The following EPHA5 variants were observed in gnomAD, a reference collection of about 807,000 sequenced individuals.
EPHA5 encodes the protein EPH receptor A5, also known as ephrin type-A receptor 5.
EPHA5 carries 60 observed loss-of-function variants against 105.0 expected under a neutral mutation model. That is an observed-to-expected ratio of 0.57 (90% CI 0.46 to 0.71). The LOEUF (loss-of-function observed/expected upper bound fraction) is 0.71, where lower values mean the gene tolerates loss of function less well. Among genes scored for constraint, EPHA5 ranks in the 30% least tolerant of loss-of-function variants. EPHA5 has a pLI of 0.00. For synonymous variants in EPHA5, 513 were observed against 449.1 expected (o/e 1.14, Z -1.80); for missense variants, 1,218 against 1,274.7 (o/e 0.96, Z 0.68).
chr4:65,669,897 G>A lies in EPHA5; in HGVS notation c.-155C>T, dbSNP rs922136840. On this transcript the variant is annotated 5_prime_UTR_variant, in exon 1 of 17. Transcript: ENST00000613740. ...GGCTCCTCCAAATGTAGGAACCACG[G>A]ATCCGGCTGAGACAGCTGAAGTTTG... The A allele has an allele frequency of 2.6e-6, 3 of 1,140,398 alleles. No homozygotes were observed. Among genetic ancestry groups the A allele is most frequent in the Non-Finnish European group, 3.3e-6 (3 of 905,330 alleles). The allele number at this position is 1,140,398 out of a possible 1,614,324, so 70.6% of individuals were successfully genotyped here.
Position 65,322,416 on chromosome 4 carries a change from C to T in EPHA5, c.*1698G>A. On this transcript the variant is annotated 3_prime_UTR_variant, in exon 17 of 17. Coordinates refer to ENST00000613740, the MANE Select transcript of EPHA5 (RefSeq NM_001281766.3). ...TTCTGATAAATTTCATTAATCCAGG[C>T]TTCTCTGATCTACTGTACTATTAAC... 1 of 225,554 alleles carries T rather than the reference C, an allele frequency of 4.4e-6. No homozygotes were observed. The highest frequency in any genetic ancestry group is 6.3e-5 in the East Asian group (1 of 15,780). The allele number at this position is 225,554 out of a possible 1,614,324, so 14.0% of individuals were successfully genotyped here. A position where few individuals can be genotyped will look rare whatever the true frequency, so the allele number is the denominator to read the frequency against.
intron 5 of EPHA5, among the ~76,000 whole-genome samples, chr4:65,439,860 C>T (rs535202403): frequency 4.6e-5 from 7 of 152,158 alleles, no homozygotes; most frequent in African/African-American, 1.4e-4. Context: ...TTTAGATAAA[C>T]TAGTGCCTTT....
At chr4:65,494,550 C>A (rs372967693) in intron 4 of EPHA5, among the ~76,000 whole-genome samples, 6 of 152,126 alleles carry the variant, frequency 3.9e-5, no homozygotes, top group East Asian at 1.9e-4. Context: ...ATCAAGCAAA[C>A]AAATGCACAA....
chr4:65,430,633 C>G (rs1208137574), intron 5 of EPHA5, among the ~76,000 whole-genome samples: 1 of 151,966 alleles, frequency 6.6e-6, no homozygotes, highest in East Asian at 1.9e-4. Flanking sequence ...ATTATCGTCC[C>G]TTTTTGATGC....
intron 5 of EPHA5, among the ~76,000 whole-genome samples, chr4:65,432,490 CATCT>C (rs1351168500): frequency 1.3e-5 from 2 of 152,070 alleles, no homozygotes; most frequent in Non-Finnish European, 2.9e-5. Flanking sequence ...TGTTGAAAAT[CATCT>C]AACTAGCTTT....
At chr4:65,573,304 G>C (rs1159307551) in intron 3 of EPHA5, among the ~76,000 whole-genome samples, 1 of 150,988 alleles carries the variant, frequency 6.6e-6, no homozygotes, top group Non-Finnish European at 1.5e-5. Context: ...CCAGCTACTT[G>C]GGAGGCGGAG....
At chr4:65,475,490 A>G (rs1411986313) in intron 5 of EPHA5, among the ~76,000 whole-genome samples, 2 of 152,270 alleles carry the variant, frequency 1.3e-5, no homozygotes, top group Non-Finnish European at 2.9e-5. Flanking sequence ...CTACATCTAC[A>G]CAGCACACTA....
intron 9 of EPHA5, among the ~76,000 whole-genome samples, chr4:65,366,442 A>G (rs1717918627): frequency 6.6e-6 from 1 of 151,828 alleles, no homozygotes; most frequent in East Asian, 1.9e-4. Flanking sequence ...ATTAGTATTA[A>G]TTTTAATTTT....
chr4:65,325,181 T>A (rs766553795), intron 16 of EPHA5, among the ~76,000 whole-genome samples: 12 of 151,440 alleles, frequency 7.9e-5, no homozygotes. Context: ...AAAAGTGGAA[T>A]CTTTTTCCAT....
intron 3 of EPHA5, among the ~76,000 whole-genome samples, chr4:65,593,731 C>T (rs2149421240): frequency 1.3e-5 from 2 of 152,268 alleles, no homozygotes; most frequent in South Asian, 2.1e-4. Flanking sequence ...ACCACAGTTA[C>T]GTATTTACCA....
At chr4:65,586,517 A>G (rs1742141257) in intron 3 of EPHA5, among the ~76,000 whole-genome samples, 1 of 151,936 alleles carries the variant, frequency 6.6e-6, no homozygotes, top group Non-Finnish European at 1.5e-5. Flanking sequence ...TATCAGTGCT[A>G]CAATATTCTC....
At position 65,601,928 on chromosome 4, in the gene EPHA5, T is replaced by C. The variant is rs1000620204; in HGVS notation, c.623A>G (p.Lys208Arg). Residue 208 changes from lysine to arginine, a missense_variant, in exon 3 of 17, where the codon AAG (lysine) becomes AGG (arginine). Lys to Arg is a conservative substitution (Grantham distance 26). This residue lies in a region of EPHA5 where 971 missense variants were observed against 1,013.5 expected (regional missense o/e 0.96). Transcript: ENST00000613740. Reference protein sequence around the residue: ...EVRDVGPLSKKGFYLAFQDVG... With the variant: ...EVRDVGPLSKRGFYLAFQDVG... ...ATCTTGAAAAGCAAGATAAAATCCCTTTTTGCTTAGAGGTCCTACATCTCT... is the reference window on the plus strand; with the variant it reads ...ATCTTGAAAAGCAAGATAAAATCCCCTTTTGCTTAGAGGTCCTACATCTCT... 6.2e-7 allele frequency: 1 copy of C among 1,613,986 alleles called. No individual in the cohort carries two copies. The highest frequency in any genetic ancestry group is 1.3e-5 in the African/African-American group (1 of 74,890).
chr4:65,611,079 G>A (rs978154374), intron 2 of EPHA5, among the ~76,000 whole-genome samples: 1 of 152,090 alleles, frequency 6.6e-6, no homozygotes, highest in African/African-American at 2.4e-5. Context: ...ATTTAAGATG[G>A]AGTACAAATT....
chr4:65,551,732 C>T (rs1223768343), intron 3 of EPHA5, among the ~76,000 whole-genome samples: 1 of 152,048 alleles, frequency 6.6e-6, no homozygotes, highest in Non-Finnish European at 1.5e-5. Flanking sequence ...CTAAAGTAGA[C>T]TTCCTCCTGT....
intron 8 of EPHA5, among the ~76,000 whole-genome samples, chr4:65,402,166 G>A (rs1721909287): frequency 6.6e-6 from 1 of 151,928 alleles, no homozygotes. Context: ...TCTCCTTCCT[G>A]TTGCCTTGTG....
At chr4:65,634,535 C>T (rs184919625) in intron 2 of EPHA5, among the ~76,000 whole-genome samples, 11 of 152,054 alleles carry the variant, frequency 7.2e-5, no homozygotes, top group African/African-American at 2.6e-4. Context: ...TAATGTCTAG[C>T]TTGAATTCCA....
At chr4:65,324,742 CTT>C (rs368440921) in intron 16 of EPHA5, among the ~76,000 whole-genome samples, 12,130 of 131,294 alleles carry the variant, frequency 0.092, 584 homozygotes, top group Admixed American at 0.14. Context: ...CAATGTTTTA[CTT>C]TTTTTTTTTT....
chr4:65,490,263 C>A, intron 5 of EPHA5, 114 bp downstream of exon 5: 1 of 1,014,786 alleles, frequency 9.9e-7, no homozygotes, highest in Non-Finnish European at 1.4e-6. Context: ...AAGTCCTGAC[C>A]TTCCGGTTGA....
chr4:65,520,014 T>C (rs1414858273), intron 3 of EPHA5, among the ~76,000 whole-genome samples: 1 of 152,100 alleles, frequency 6.6e-6, no homozygotes, highest in Non-Finnish European at 1.5e-5. Context: ...CTTCACAGAA[T>C]TGGAAAAAAC....
Sources: gnomAD v4.1 joint callset for allele counts (sites outside exome capture counted in the v4.1 genomes callset) on GRCh38, gnomAD v4.1.1 for gene constraint, gnomAD v4.1.1 regional missense constraint, MANE v1.5 for transcripts, NCBI Gene and HGNC (gene_info 2026-07-23, HGNC 2026-07-21) for gene names.